Variants in KLC3 observed in about 807,000 individuals in gnomAD.
The protein encoded by KLC3 is kinesin light chain 2.
A neutral mutation model predicts 62.9 loss-of-function variants in KLC3; 72 were observed. The ratio of observed to expected loss-of-function variants is 1.15; its 90% CI spans 0.95 to 1.39. The LOEUF is 1.39. Among genes scored for constraint, KLC3 ranks in the 40% most tolerant of loss-of-function variants. KLC3 has a pLI of 0.00. For missense variants in KLC3, 848 were observed against 691.6 expected (o/e 1.23, Z -2.54); for synonymous variants, 377 against 300.5 (o/e 1.25, Z -2.63).
intron 8 of KLC3, 57 bp downstream of exon 8, chr19:45,349,659 C>A (rs1971615464): frequency 2.2e-6 from 3 of 1,338,456 alleles, no homozygotes; most frequent in Middle Eastern, 2.3e-4. Flanking sequence ...CCTGGGGAGG[C>A]ACCCATTGGT....
intron 7 of KLC3, 78 bp from the exon 8 acceptor site, chr19:45,349,351 T>C: frequency 1.4e-6 from 2 of 1,438,958 alleles, no homozygotes; most frequent in Non-Finnish European, 9.4e-7. Context: ...CCCCAACTCA[T>C]GACCACCATA....
Position 45,351,026 on chromosome 19 carries a change from G to A in KLC3, c.1443+9G>A, listed in dbSNP as rs1971736274. On this transcript the variant is annotated intron_variant, in intron 12 of 12. Coordinates refer to ENST00000391946, the MANE Select transcript of KLC3 (RefSeq NM_177417.3). ...GGGCTCCTGGGACTCAGGTGAGGGG[G>A]ACATCTGGGTCAAAAATAGAGGAGG... is the stretch of plus-strand genomic sequence containing the variant. 2 of 1,614,110 alleles carry A rather than the reference G, an allele frequency of 1.2e-6. No individual in the cohort carries two copies. The highest frequency in any genetic ancestry group is 1.7e-6 in the Non-Finnish European group (2 of 1,180,002).
intron 1 of KLC3, 90 bp from the exon 2 acceptor site, chr19:45,345,444 G>A (rs1324476670): frequency 1.1e-5 from 16 of 1,514,708 alleles, no homozygotes; most frequent in African/African-American, 1.4e-5. Flanking sequence ...AGAAGTTAGG[G>A]GTCCTGATGG....
Position 45,345,592 on chromosome 19 carries a change from C to T in KLC3, c.51C>T (p.Arg17=). ...APGSAGLGPE[R]LSPEELVRQT... ...GAAGTGCAGGGCTGGGCCCAGAGCG[C>T]CTGAGCCCTGAGGAGCTGGTGCGGC... is the stretch of plus-strand genomic sequence containing the variant. The change falls in exon 2 of 13, where the codon CGC becomes CGT. Residue 17 remains arginine, a synonymous_variant. Coordinates refer to ENST00000391946, the MANE Select transcript of KLC3 (RefSeq NM_177417.3). 1 of 1,572,124 alleles carries T rather than the reference C, an allele frequency of 6.4e-7. No homozygotes were observed. The highest frequency in any genetic ancestry group is 8.6e-7 in the Non-Finnish European group (1 of 1,159,844).
Position 45,347,349 on chromosome 19 carries a change from AAAAAAAAC to A in KLC3, c.490-84_490-77del, listed in dbSNP as rs1258198573. The A allele has an allele frequency of 3.1e-5, 28 of 905,586 alleles. No homozygotes were observed. In the East Asian group the frequency reaches 3.4e-4, roughly 11 times the overall value. The allele number at this position is 905,586 out of a possible 1,614,324, so 56.1% of individuals were successfully genotyped here. On this transcript the variant is annotated intron_variant, in intron 3 of 12. Transcript: ENST00000391946. ...AAGCGAAACTCCGTCTCAAAAAAAAAAAAAAAACAAAAAAACAAAAACCTGAGATAGAG... is the reference window on the plus strand; with the variant it reads ...AAGCGAAACTCCGTCTCAAAAAAAAAAAAAAAACAAAAACCTGAGATAGAG...
chr19:45,345,763 G>C lies in KLC3; in HGVS notation c.222G>C (p.Ser74=), dbSNP rs922212728. 6.4e-7 allele frequency: 1 copy of C among 1,552,986 alleles called. No individual in the cohort carries two copies. The part of the protein sequence containing the change: ...LEEKQQVVSH[S]LEAIELGLGE... ...AAAAGCAGCAGGTGGTGAGCCACTC[G>C]CTGGAGGCCATCGAGCTGGGGCTGG... is the stretch of plus-strand genomic sequence containing the variant. Residue 74 remains serine, a synonymous_variant, in exon 2 of 13, where the codon TCG becomes TCC. Coordinates refer to ENST00000391946, the MANE Select transcript of KLC3 (RefSeq NM_177417.3).
At position 45,340,838 on chromosome 19, in the gene KLC3, C is replaced by G. The variant is rs1455631097; in HGVS notation, c.-17C>G. On this transcript the variant is annotated 5_prime_UTR_variant, in exon 1 of 13. Coordinates refer to ENST00000391946, the MANE Select transcript of KLC3 (RefSeq NM_177417.3). Reference sequence around the variant, plus strand: ...GGGGCGAAGCGGGGCCGGAGCCGCCCGCGGTCAGGTGGGTGCCGGGAGTGG... The same window carrying G: ...GGGGCGAAGCGGGGCCGGAGCCGCCGGCGGTCAGGTGGGTGCCGGGAGTGG... 6.6e-6 allele frequency: 1 copy of G among 152,092 alleles called. No individual in the cohort carries two copies. Among genetic ancestry groups the G allele is most frequent in the Non-Finnish European group, 1.5e-5 (1 of 68,022 alleles). The allele number at this position is 152,092 out of a possible 1,614,324, so 9.4% of individuals were successfully genotyped here.
chr19:45,347,904 G>A, intron 4 of KLC3, 37 bp from the exon 5 acceptor site: 1 of 1,524,240 alleles, frequency 6.6e-7, no homozygotes, highest in East Asian at 2.4e-5. Flanking sequence ...GGGGCAGGAG[G>A]CTTGCAGTGA....
chr19:45,347,352 A>AC lies in KLC3; in HGVS notation c.490-95_490-94insC. 8 of 931,908 alleles carry AC rather than the reference A, an allele frequency of 8.6e-6. No homozygotes were observed. In the South Asian group the frequency reaches 9.3e-5, roughly 11 times the overall value. The allele number at this position is 931,908 out of a possible 1,614,324, so 57.7% of individuals were successfully genotyped here. On this transcript the variant is annotated intron_variant, in intron 3 of 12. Transcript: ENST00000391946. The stretch of plus-strand genomic sequence containing the variant: ...CGAAACTCCGTCTCAAAAAAAAAAA[A>AC]AAAACAAAAAAACAAAAACCTGAGA...
In KLC3 at chr19:45,348,873, C is replaced by G. The variant is rs1971581220; in HGVS notation, c.921C>G (p.Tyr307Ter). 13 of 1,587,766 alleles carry G rather than the reference C, an allele frequency of 8.2e-6. No individual in the cohort carries two copies. Among genetic ancestry groups the G allele is most frequent in the Non-Finnish European group, 1.1e-5 (13 of 1,167,540 alleles). The change falls in exon 7 of 13, where the codon TAC becomes TAG. Residue 307 changes from tyrosine (Y) to a stop codon, truncating the protein, a stop_gained. Transcript: ENST00000391946. LOFTEE classifies it high-confidence loss of function. ...LAVLYGKRGR[Y>*]REAEPLCQRA... The stretch of plus-strand genomic sequence containing the variant: ...TCCTCTATGGGAAGCGTGGGCGTTA[C>G]CGGGAGGCAGAGCCCCTGTGCCAGC...
chr19:45,350,055 A>C (rs1971646615), intron 8 of KLC3: 1 of 474,928 alleles, frequency 2.1e-6, no homozygotes, highest in African/African-American at 1.9e-5. Flanking sequence ...GGCAGGAAGT[A>C]AGGCCGAGCT....
rs778735958 is a variant in KLC3, at chr19:45,348,096, C to T, written c.715C>T (p.Arg239Cys). ...CCGCCAGGCCTTGGAGGACCTGGAG[C>T]GCAGCTCGGGCCACTGCCACCCTGA... is the stretch of plus-strand genomic sequence containing the variant. ...LCRQALEDLE[R>C]SSGHCHPDVA... The change falls in exon 5 of 13, where the codon CGC (arginine) becomes TGC (cysteine). Residue 239 changes from arginine (R) to cysteine (C), a missense_variant. By Grantham distance (180) the Arg-to-Cys change is radical. Transcript: ENST00000391946. The T allele has an allele frequency of 1.5e-5, 24 of 1,602,310 alleles. No individual in the cohort carries two copies. In the East Asian group the frequency reaches 1.6e-4, roughly 11 times the overall value.
chr19:45,349,584 C>T lies in KLC3; in HGVS notation c.1125C>T (p.Ala375=). 3 of 1,612,152 alleles carry T rather than the reference C, an allele frequency of 1.9e-6. No individual in the cohort carries two copies. The highest frequency in any genetic ancestry group is 2.5e-6 in the Non-Finnish European group (3 of 1,178,858). The stretch of plus-strand genomic sequence containing the variant: ...GCGGGCCCCATGACCCCAACGTGGC[C>T]AAGACCAAGAACAACCTGGTGAGGC... ...ALGGPHDPNV[A]KTKNNLASAY... Residue 375 remains alanine (A), a synonymous_variant, in exon 8 of 13, where the codon GCC becomes GCT. Transcript: ENST00000391946.
intron 5 of KLC3, 110 bp downstream of exon 5, chr19:45,348,270 C>A: frequency 9.8e-7 from 1 of 1,018,716 alleles, no homozygotes; most frequent in Admixed American, 2.5e-5. Flanking sequence ...CTAGGGAGGT[C>A]AGGGGAGGGG....
Position 45,350,391 on chromosome 19 carries a change from C to A in KLC3, c.1194C>A (p.Tyr398Ter). The A allele has an allele frequency of 6.2e-7, 1 of 1,613,834 alleles. No individual in the cohort carries two copies. The highest frequency in any genetic ancestry group is 8.5e-7 in the Non-Finnish European group (1 of 1,179,948). Residue 398 changes from tyrosine to a stop codon, truncating the protein, a stop_gained, in exon 9 of 13, where the codon TAC becomes TAA. Transcript: ENST00000391946. LOFTEE classifies it high-confidence loss of function. Reference sequence around the variant, plus strand: ...AGTATCAACAAGCGGAAGAGCTGTACAAAGAAATCCTCCACAAGGAGGACC... The same window carrying A: ...AGTATCAACAAGCGGAAGAGCTGTAAAAAGAAATCCTCCACAAGGAGGACC... ...QNKYQQAEEL[Y>*]KEILHKEDLP...
Position 45,350,648 on chromosome 19 carries a change from G to A in KLC3, c.1280G>A (p.Arg427His), listed in dbSNP as rs369584425. ...TCCCCGGCCCCTCCCCAGGCCCTTC[G>A]CCGCAGCAGCTCACTCTCCAAGATC... The part of the protein sequence containing the change: ...GTAGDAEQAL[R>H]RSSSLSKIRE... Residue 427 changes from arginine (R) to histidine (H), a missense_variant, in exon 11 of 13, where the codon CGC becomes CAC. Physicochemically the swap from Arg to His is conservative, Grantham distance 29. Transcript: ENST00000391946. The A allele has an allele frequency of 2.3e-5, 37 of 1,613,180 alleles. No homozygotes were observed. Among genetic ancestry groups the A allele is most frequent in the Admixed American group, 1.5e-4 (9 of 59,942 alleles).
At position 45,346,605 on chromosome 19, in the gene KLC3, C is replaced by T. The variant is rs573404556; in HGVS notation, c.320C>T (p.Ser107Leu). 16 of 1,550,142 alleles carry T rather than the reference C, an allele frequency of 1.0e-5. No individual in the cohort carries two copies. Among genetic ancestry groups the T allele is most frequent in the Admixed American group, 3.9e-5 (2 of 51,000 alleles). Residue 107 changes from serine (S) to leucine (L), a missense_variant, in exon 3 of 13, where the codon TCG becomes TTG. By Grantham distance (145) the Ser-to-Leu change is moderately radical. Coordinates refer to ENST00000391946, the MANE Select transcript of KLC3 (RefSeq NM_177417.3). ...GAGGCAGAGAAGCAGCGGCTGCGCTCGCAGGCCCGGCGGCTGGCCCAGGAG... is the reference window on the plus strand; with the variant it reads ...GAGGCAGAGAAGCAGCGGCTGCGCTTGCAGGCCCGGCGGCTGGCCCAGGAG... ...ALEAEKQRLR[S>L]QARRLAQENV...
chr19:45,349,766 C>T (rs924270313), intron 8 of KLC3, 164 bp downstream of exon 8: 21 of 659,788 alleles, frequency 3.2e-5, no homozygotes, highest in East Asian at 1.2e-4. Flanking sequence ...GCACAGAACA[C>T]GGAATCAGGA....
chr19:45,350,662 C>G lies in KLC3; in HGVS notation c.1294C>G (p.Leu432Val), dbSNP rs770358528. ...CCAGGCCCTTCGCCGCAGCAGCTCA[C>G]TCTCCAAGATCCGTGAGTCTATCAG... Reference protein sequence around the residue: ...AEQALRRSSSLSKIRESIRRG... With the variant: ...AEQALRRSSSVSKIRESIRRG... The change falls in exon 11 of 13, where the codon CTC becomes GTC. Residue 432 changes from leucine (L) to valine (V), a missense_variant. Leu to Val is a conservative substitution (Grantham distance 32, BLOSUM62 1). Coordinates refer to ENST00000391946, the MANE Select transcript of KLC3 (RefSeq NM_177417.3). 7 of 1,612,750 alleles carry G rather than the reference C, an allele frequency of 4.3e-6. No individual in the cohort carries two copies. The South Asian group carries it at 7.7e-5, about 18-fold the overall frequency.
Sources: allele counts gnomAD v4.1 joint callset, GRCh38; gene constraint gnomAD v4.1.1; transcripts MANE v1.5; gene names NCBI Gene and HGNC (gene_info 2026-07-23, HGNC 2026-07-21).